The following CHSY3 variants were observed in gnomAD, a reference collection of about 807,000 sequenced individuals.
CHSY3 encodes the protein chondroitin sulfate synthase 3.
In CHSY3, 35 loss-of-function variants were observed where a neutral mutation model predicts 67.2. The observed-to-expected ratio is 0.52, with a 90% CI of 0.40 to 0.69. The LOEUF (loss-of-function observed/expected upper bound fraction) is 0.69. Among genes scored for constraint, CHSY3 ranks in the 30% least tolerant of loss-of-function variants. The pLI is 0.00. For missense variants in CHSY3, 1,069 were observed against 1,138.5 expected, an observed-to-expected ratio of 0.94 and a Z score of 0.88; for synonymous variants, 474 against 434.7, an observed-to-expected ratio of 1.09 and a Z score of -1.12.
At chr5:130,059,121 G>T (rs1481312750) in intron 2 of CHSY3, among the ~76,000 whole-genome samples, 1 of 152,150 alleles carries the variant, frequency 6.6e-6, no homozygotes, top group East Asian at 1.9e-4. Context: ...TGTAAAATGT[G>T]GATGGGCCTC....
At chr5:130,018,359 G>A (rs991440350) in intron 2 of CHSY3, among the ~76,000 whole-genome samples, 1 of 152,058 alleles carries the variant, frequency 6.6e-6, no homozygotes. Flanking sequence ...GTTATAACAA[G>A]TATCCAGAAA....
intron 2 of CHSY3, among the ~76,000 whole-genome samples, chr5:130,164,811 T>G (rs1286885986): frequency 6.6e-6 from 1 of 152,102 alleles, no homozygotes; most frequent in Non-Finnish European, 1.5e-5. Context: ...TATAATTTGA[T>G]TAAATAGTGA....
intron 2 of CHSY3, among the ~76,000 whole-genome samples, chr5:130,139,194 C>T (rs1429456146): frequency 1.3e-5 from 2 of 152,144 alleles, no homozygotes; most frequent in African/African-American, 2.4e-5. Flanking sequence ...TTTACCAGAC[C>T]ACTGACCATA....
At chr5:130,025,373 G>A (rs1764511068) in intron 2 of CHSY3, among the ~76,000 whole-genome samples, 1 of 152,132 alleles carries the variant, frequency 6.6e-6, no homozygotes, top group Admixed American at 6.6e-5. Flanking sequence ...TAAGAAAGAA[G>A]GCCTGTGTAG....
chr5:129,960,022 T>C (rs192822832), intron 2 of CHSY3, among the ~76,000 whole-genome samples: 19 of 152,186 alleles, frequency 1.2e-4, no homozygotes, highest in African/African-American at 4.6e-4. Flanking sequence ...TAAGTTAGTT[T>C]TATGACAAGA....
upstream of CHSY3, among the ~76,000 whole-genome samples, chr5:129,904,244 C>G (rs886210243): frequency 1.3e-5 from 2 of 151,880 alleles, no homozygotes; most frequent in Non-Finnish European, 2.9e-5. Context: ...GGGATCGTTT[C>G]CTTCCGGAGA....
chr5:129,982,308 A>C, intron 2 of CHSY3, among the ~76,000 whole-genome samples: 1 of 152,082 alleles, frequency 6.6e-6, no homozygotes, highest in East Asian at 1.9e-4. Context: ...CAAAAAAAAC[A>C]ACCCATCAAT....
chr5:130,112,760 T>C (rs1297852373), intron 2 of CHSY3, among the ~76,000 whole-genome samples: 5 of 152,018 alleles, frequency 3.3e-5, no homozygotes, highest in Admixed American at 3.3e-4. Flanking sequence ...CTATTAGGGA[T>C]TGAAAAAGTG....
chr5:130,132,569 A>G (rs2149714503), intron 2 of CHSY3, among the ~76,000 whole-genome samples: 1 of 152,280 alleles, frequency 6.6e-6, no homozygotes, highest in East Asian at 1.9e-4. Context: ...AAGTAGTTAG[A>G]CCTTCTGCTT....
intron 2 of CHSY3, among the ~76,000 whole-genome samples, chr5:130,124,014 T>G (rs1169696426): frequency 8.9e-6 from 1 of 112,398 alleles, no homozygotes; most frequent in African/African-American, 3.6e-5. Flanking sequence ...CACTCCAGCC[T>G]GGGTGACAGA....
chr5:129,930,087 A>T (rs1761249819), intron 2 of CHSY3, among the ~76,000 whole-genome samples: 1 of 152,152 alleles, frequency 6.6e-6, no homozygotes, highest in African/African-American at 2.4e-5. Context: ...GAATCTTAGC[A>T]CTTTGGAAGG....
chr5:130,051,364 CCTAT>C (rs1371070345), intron 2 of CHSY3, among the ~76,000 whole-genome samples: 1 of 151,934 alleles, frequency 6.6e-6, no homozygotes, highest in Non-Finnish European at 1.5e-5. Flanking sequence ...TTAAAGACTG[CCTAT>C]CTGTCTACCA....
intron 2 of CHSY3, among the ~76,000 whole-genome samples, chr5:130,098,546 G>C (rs1346452411): frequency 1.3e-5 from 2 of 151,858 alleles, no homozygotes. Flanking sequence ...CTTACCAAGG[G>C]GAGAAAAAAA....
chr5:130,157,604 G>A (rs972189617), intron 2 of CHSY3, among the ~76,000 whole-genome samples: 2 of 152,180 alleles, frequency 1.3e-5, no homozygotes, highest in South Asian at 2.1e-4. Flanking sequence ...AGAGTCAACC[G>A]AACAGAGAGG....
intron 2 of CHSY3, among the ~76,000 whole-genome samples, chr5:129,911,810 A>T (rs1192805459): frequency 6.6e-6 from 1 of 152,210 alleles, no homozygotes; most frequent in Non-Finnish European, 1.5e-5. Flanking sequence ...TAATCCCAGC[A>T]CTTTGGGAGG....
At chr5:130,162,057 A>AAAAG (rs1554087188) in intron 2 of CHSY3, among the ~76,000 whole-genome samples, 94,689 of 122,626 alleles carry the variant, frequency 0.77, 37,672 homozygotes, top group Middle Eastern at 0.9. Flanking sequence ...AAAAAAAAAA[A>AAAAG]AAAGAAAGAA....
chr5:130,143,732 GTGTA>G (rs1273222894), intron 2 of CHSY3, among the ~76,000 whole-genome samples: 17 of 99,284 alleles, frequency 1.7e-4, no homozygotes, highest in African/African-American at 6.7e-4. Context: ...GTGTGTGTGT[GTGTA>G]TATATATATA....
At chr5:130,026,909 G>T (rs1764559878) in intron 2 of CHSY3, among the ~76,000 whole-genome samples, 1 of 152,120 alleles carries the variant, frequency 6.6e-6, no homozygotes, top group Non-Finnish European at 1.5e-5. Context: ...CCATGTGTGT[G>T]TGTGCATTCA....
intron 2 of CHSY3, among the ~76,000 whole-genome samples, chr5:129,930,507 GC>G (rs143545317): frequency 0.27 from 32,453 of 118,822 alleles, 5,738 homozygotes; most frequent in African/African-American, 0.43. Flanking sequence ...GGCATCACTG[GC>G]GGGGGGGGGG....
Sources: gnomAD v4.1 joint callset for allele counts (sites outside exome capture counted in the v4.1 genomes callset) on GRCh38, gnomAD v4.1.1 for gene constraint, MANE v1.5 for transcripts, NCBI Gene and HGNC (gene_info 2026-07-23, HGNC 2026-07-21) for gene names.